Variants in SORL1 observed in about 807,000 individuals in gnomAD.
SORL1 encodes the protein sortilin-related receptor.
A neutral mutation model predicts 273.7 loss-of-function variants in SORL1; 127 were observed. The observed-to-expected ratio is 0.46, with a 90% CI of 0.40 to 0.54. The LOEUF is 0.54. Ranked by LOEUF, SORL1 falls within the 20% of genes least tolerant of loss-of-function variation. The pLI is 0.00. For missense variants in SORL1, 2,494 were observed against 2,846.1 expected (o/e 0.88, Z 2.81); for synonymous variants, 1,031 against 1,067.4 (o/e 0.97, Z 0.66).
intron 2 of SORL1, among the ~76,000 whole-genome samples, chr11:121,475,596 T>G (rs370545661): frequency 5.9e-5 from 9 of 152,318 alleles, no homozygotes; most frequent in African/African-American, 2.2e-4. Context: ...GGGCCAGCAC[T>G]CCTTCCAGTG....
chr11:121,479,731 G>A (rs1220167346), intron 3 of SORL1, among the ~76,000 whole-genome samples: 1 of 152,142 alleles, frequency 6.6e-6, no homozygotes, highest in Admixed American at 6.5e-5. Flanking sequence ...TGTTGACCAG[G>A]TGGTACAGAG....
intron 27 of SORL1, among the ~76,000 whole-genome samples, chr11:121,586,585 A>G (rs1262031550): frequency 6.6e-6 from 1 of 150,442 alleles, no homozygotes; most frequent in Non-Finnish European, 1.5e-5. Flanking sequence ...AGTGAAAGTT[A>G]TTGTTTAGTT....
chr11:121,581,111 C>T (rs1301935157), intron 25 of SORL1, among the ~76,000 whole-genome samples: 1 of 151,910 alleles, frequency 6.6e-6, no homozygotes, highest in Non-Finnish European at 1.5e-5. Flanking sequence ...GAGTTTTTAC[C>T]ATGTTGGCCA....
chr11:121,498,544 C>T (rs758941021), intron 6 of SORL1, among the ~76,000 whole-genome samples: 33 of 152,090 alleles, frequency 2.2e-4, no homozygotes, highest in South Asian at 6.2e-4. Flanking sequence ...TTCTCTTAAC[C>T]GGGTTATTTC....
chr11:121,460,884 C>G (rs1179825991), intron 1 of SORL1, among the ~76,000 whole-genome samples: 3 of 151,956 alleles, frequency 2.0e-5, no homozygotes, highest in Non-Finnish European at 2.9e-5. Flanking sequence ...AGTTAAGGAC[C>G]CCATTTCTCT....
At chr11:121,568,944 T>C (rs557822157) in intron 22 of SORL1, among the ~76,000 whole-genome samples, 16 of 152,188 alleles carry the variant, frequency 1.1e-4, no homozygotes, top group Admixed American at 2.0e-4. Flanking sequence ...TTTACCATCA[T>C]GTTACTTGTT....
chr11:121,529,533 T>G (rs1862172416), intron 11 of SORL1, among the ~76,000 whole-genome samples: 1 of 152,198 alleles, frequency 6.6e-6, no homozygotes, highest in Non-Finnish European at 1.5e-5. Context: ...AGTACATCTT[T>G]TAACATCCAT....
intron 9 of SORL1, among the ~76,000 whole-genome samples, chr11:121,521,563 G>A (rs1159377886): frequency 6.6e-6 from 1 of 152,204 alleles, no homozygotes; most frequent in Non-Finnish European, 1.5e-5. Flanking sequence ...TCTGAGTTTA[G>A]GTGGTGGAAG....
At chr11:121,518,328 A>T (rs1334811269) in intron 8 of SORL1, among the ~76,000 whole-genome samples, 1 of 152,144 alleles carries the variant, frequency 6.6e-6, no homozygotes, top group Non-Finnish European at 1.5e-5. Flanking sequence ...CAGAGAAAGT[A>T]CTTAGGGTGG....
intron 14 of SORL1, 66 bp downstream of exon 14, chr11:121,545,495 A>C: frequency 6.8e-7 from 1 of 1,464,296 alleles, no homozygotes; most frequent in Non-Finnish European, 9.5e-7. Flanking sequence ...TTGGGGGAAG[A>C]GATTAGGCAT....
rs1286453746 is a variant in SORL1, at chr11:121,514,326, G to A, written c.1211+5G>A. ...CGGCAGTGACACCTTGGTGAGGTAAGGAGACTGTGAGTCCTTCTCCTGCCT... is the reference window on the plus strand; with the variant it reads ...CGGCAGTGACACCTTGGTGAGGTAAAGAGACTGTGAGTCCTTCTCCTGCCT... On this transcript the variant is annotated splice_donor_5th_base_variant and intron_variant, in intron 8 of 47. Transcript: ENST00000260197. 1 of 1,611,108 alleles carries A rather than the reference G, an allele frequency of 6.2e-7. No individual in the cohort carries two copies. The highest frequency in any genetic ancestry group is 8.5e-7 in the Non-Finnish European group (1 of 1,178,966).
chr11:121,512,624 G>T (rs992458047), intron 6 of SORL1, among the ~76,000 whole-genome samples: 1 of 152,188 alleles, frequency 6.6e-6, no homozygotes, highest in African/African-American at 2.4e-5. Flanking sequence ...TCACCCTTTA[G>T]TGGTTTGGGG....
intron 32 of SORL1, among the ~76,000 whole-genome samples, chr11:121,600,578 C>T (rs1175738342): frequency 6.6e-6 from 1 of 152,176 alleles, no homozygotes; most frequent in African/African-American, 2.4e-5. Flanking sequence ...GATATTAATT[C>T]ATTAATTGGC....
At chr11:121,500,675 C>T (rs965201781) in intron 6 of SORL1, among the ~76,000 whole-genome samples, 4 of 152,178 alleles carry the variant, frequency 2.6e-5, no homozygotes, top group Non-Finnish European at 5.9e-5. Context: ...TGATAGTTGT[C>T]TGTTACCCCT....
rs550593441 is a variant in SORL1 at position 121,562,218 on chromosome 11, T to C, written c.3049+2561T>C. On this transcript the variant is annotated intron_variant, in intron 21 of 47. Transcript: ENST00000260197. ...GCCTGAATATTTCAGTCACTGGAGC[T>C]GAGAAGCAAGATTCCTTCAACTCTC... Among the ~76,000 whole-genome samples the C allele has an allele frequency of 7.3e-4, 111 of 152,326 alleles. 2 individuals carry two copies. The highest frequency in any genetic ancestry group is 2.6e-3 in the African/African-American group (108 of 41,564).
chr11:121,532,046 T>C lies in SORL1; in HGVS notation c.1597-418T>C, dbSNP rs556638937. ...TCAGCATCCACTGGTAGTTGTTTTTTGTCCAGAGTTTTCAGCTGTAATTAG... is the reference window on the plus strand; with the variant it reads ...TCAGCATCCACTGGTAGTTGTTTTTCGTCCAGAGTTTTCAGCTGTAATTAG... On this transcript the variant is annotated intron_variant, in intron 11 of 47. Coordinates refer to ENST00000260197, the MANE Select transcript of SORL1 (RefSeq NM_003105.6). Among the ~76,000 whole-genome samples, 8 of 152,352 alleles carry C rather than the reference T, an allele frequency of 5.3e-5. No individual in the cohort carries two copies. In the South Asian group the frequency reaches 1.2e-3, roughly 24 times the overall value.
rs1265678509 is a variant in SORL1 at position 121,630,256 on chromosome 11, G to GC, written c.*694dup. ...CATTGCTGGAGTTCAGTTCAACAGA[G>GC]CTGCAGCTTGGGAAGCCCTGTAAGC... On this transcript the variant is annotated 3_prime_UTR_variant, in exon 48 of 48. Coordinates refer to ENST00000260197, the MANE Select transcript of SORL1 (RefSeq NM_003105.6). The GC allele has an allele frequency of 6.6e-6, 1 of 152,278 alleles. No individual in the cohort carries two copies. The highest frequency in any genetic ancestry group is 2.4e-5 in the African/African-American group (1 of 41,456). The allele number at this position is 152,278 out of a possible 1,614,324, so 9.4% of individuals were successfully genotyped here.
At chr11:121,609,901 G>T (rs909189228) in intron 38 of SORL1, 1 of 152,172 alleles carries the variant, frequency 6.6e-6, no homozygotes, top group Non-Finnish European at 1.5e-5. Flanking sequence ...CTGAGGAAAT[G>T]GGTTTGGAGT....
In SORL1 at chr11:121,608,102, A is replaced by G; in HGVS notation, c.5167-2A>G. ...TATTAATTCACCCTCTGATTTGAAA[A>G]GGTGGCTGCGGTGACTAGTCGTGGA... On this transcript the variant is annotated splice_acceptor_variant, in intron 37 of 47. Transcript: ENST00000260197. LOFTEE classifies it high-confidence loss of function. 1 of 1,612,860 alleles carries G rather than the reference A, an allele frequency of 6.2e-7. No individual in the cohort carries two copies. The highest frequency in any genetic ancestry group is 8.5e-7 in the Non-Finnish European group (1 of 1,178,806).
Sources: gnomAD v4.1 joint callset for allele counts (sites outside exome capture counted in the v4.1 genomes callset) on GRCh38, gnomAD v4.1.1 for gene constraint, MANE v1.5 for transcripts, NCBI Gene and HGNC (gene_info 2026-07-23, HGNC 2026-07-21) for gene names.